Variants in PRKG1 observed in about 807,000 individuals in gnomAD.
PRKG1 encodes the protein protein kinase cGMP-dependent 1.
A neutral mutation model predicts 88.1 loss-of-function variants in PRKG1; 35 were observed. That is an observed-to-expected ratio of 0.40 (90% confidence interval 0.30 to 0.53). The LOEUF (loss-of-function observed/expected upper bound fraction) is 0.53, where lower values mean the gene tolerates loss of function less well. Among genes scored for constraint, PRKG1 ranks in the 20% least tolerant of loss-of-function variants. The pLI is 0.59. For missense variants in PRKG1, 540 were observed against 839.8 expected (o/e 0.64, Z 4.41); for synonymous variants, 303 against 292.5 (o/e 1.04, Z -0.37).
chr10:51,374,799 G>A (rs1463106089), intron 2 of PRKG1, among the ~76,000 whole-genome samples: 1 of 152,156 alleles, frequency 6.6e-6, no homozygotes, highest in Non-Finnish European at 1.5e-5. Context: ...AGAAGCATGA[G>A]ACAGACTAAG....
intron 9 of PRKG1, among the ~76,000 whole-genome samples, chr10:52,225,095 C>T (rs1427918085): frequency 3.3e-5 from 5 of 151,966 alleles, no homozygotes; most frequent in Non-Finnish European, 7.4e-5. Flanking sequence ...GTCTACATTC[C>T]CACCAACAGT....
intron 1 of PRKG1, among the ~76,000 whole-genome samples, chr10:51,050,445 T>C (rs1843546744): frequency 6.6e-6 from 1 of 152,162 alleles, no homozygotes; most frequent in Non-Finnish European, 1.5e-5. Context: ...CTTATTTCAC[T>C]TAGCATAGTG....
chr10:51,889,242 A>C (rs1396838093), intron 4 of PRKG1, among the ~76,000 whole-genome samples: 7 of 116,032 alleles, frequency 6.0e-5, no homozygotes, highest in African/African-American at 2.0e-4. Flanking sequence ...CCGGTGTGTG[A>C]TGTTCCCCTT....
intron 3 of PRKG1, among the ~76,000 whole-genome samples, chr10:51,468,289 G>A (rs1466410985): frequency 6.6e-6 from 1 of 151,742 alleles, no homozygotes; most frequent in Non-Finnish European, 1.5e-5. Context: ...AAACATCATT[G>A]AGTAAGATAT....
chr10:52,161,252 A>G (rs1003885517), intron 8 of PRKG1, among the ~76,000 whole-genome samples: 4 of 152,084 alleles, frequency 2.6e-5, no homozygotes, highest in East Asian at 1.9e-4. Context: ...AGGATATTGA[A>G]TAGATTGGAT....
chr10:51,686,484 G>T (rs532530881), intron 3 of PRKG1, among the ~76,000 whole-genome samples: 1 of 152,274 alleles, frequency 6.6e-6, no homozygotes, highest in South Asian at 2.1e-4. Context: ...AGCTCAACTA[G>T]CTTGCTTGTG....
At chr10:51,397,235 T>A (rs1211462746) in intron 2 of PRKG1, among the ~76,000 whole-genome samples, 1 of 151,770 alleles carries the variant, frequency 6.6e-6, no homozygotes, top group African/African-American at 2.4e-5. Context: ...AAGAATTTAA[T>A]CAGAGATTCA....
chr10:52,012,412 T>G (rs1006593190), intron 5 of PRKG1, among the ~76,000 whole-genome samples: 1 of 152,146 alleles, frequency 6.6e-6, no homozygotes, highest in African/African-American at 2.4e-5. Context: ...TGGCTAATTT[T>G]TTTGTATTTT....
At chr10:51,068,956 T>C (rs1843787625) in intron 1 of PRKG1, among the ~76,000 whole-genome samples, 1 of 151,974 alleles carries the variant, frequency 6.6e-6, no homozygotes, top group African/African-American at 2.4e-5. Flanking sequence ...AAACCTAATA[T>C]TTTTCTTGAT....
chr10:51,720,060 G>A (rs577329282), intron 3 of PRKG1, among the ~76,000 whole-genome samples: 1 of 152,222 alleles, frequency 6.6e-6, no homozygotes, highest in African/African-American at 2.4e-5. Flanking sequence ...AATGGAATTG[G>A]TATCACAGGG....
At chr10:51,960,576 T>G (rs1338556093) in intron 5 of PRKG1, among the ~76,000 whole-genome samples, 2 of 151,954 alleles carry the variant, frequency 1.3e-5, no homozygotes, top group Non-Finnish European at 2.9e-5. Context: ...TTCTATATCG[T>G]TACCCACAGT....
At chr10:51,430,484 C>T (rs962192809) in intron 2 of PRKG1, among the ~76,000 whole-genome samples, 6 of 152,198 alleles carry the variant, frequency 3.9e-5, no homozygotes, top group African/African-American at 1.4e-4. Context: ...GTGGGTGAAA[C>T]TAGAACCCTT....
intron 8 of PRKG1, among the ~76,000 whole-genome samples, chr10:52,156,369 G>C (rs1301388799): frequency 6.6e-6 from 1 of 151,710 alleles, no homozygotes; most frequent in Non-Finnish European, 1.5e-5. Context: ...AAGTCTTTGT[G>C]TCTTATCTGT....
At chr10:51,083,066 C>A (rs1009791188) in intron 1 of PRKG1, among the ~76,000 whole-genome samples, 1 of 152,152 alleles carries the variant, frequency 6.6e-6, no homozygotes, top group African/African-American at 2.4e-5. Flanking sequence ...TGGGGAAGCA[C>A]CTTTCTTGTT....
intron 2 of PRKG1, among the ~76,000 whole-genome samples, chr10:51,341,844 G>A (rs1021455023): frequency 1.3e-5 from 2 of 152,188 alleles, no homozygotes; most frequent in Non-Finnish European, 2.9e-5. Flanking sequence ...GGCAAATGAG[G>A]AGCAAGTCAC....
intron 3 of PRKG1, among the ~76,000 whole-genome samples, chr10:51,534,395 G>A (rs1044978198): frequency 6.6e-6 from 1 of 152,002 alleles, no homozygotes; most frequent in Admixed American, 6.6e-5. Context: ...TGGGCTGGGC[G>A]CGGTGGCTCA....
intron 1 of PRKG1, among the ~76,000 whole-genome samples, chr10:51,108,028 G>C (rs1004871266): frequency 6.6e-6 from 1 of 151,878 alleles, no homozygotes; most frequent in South Asian, 2.1e-4. Flanking sequence ...TATTTAAAAG[G>C]CACATACTAC....
chr10:51,056,631 T>C (rs978952804), intron 1 of PRKG1, among the ~76,000 whole-genome samples: 2 of 152,178 alleles, frequency 1.3e-5, no homozygotes, highest in African/African-American at 4.8e-5. Flanking sequence ...TTGGAATAGT[T>C]TTCCTGAAAC....
chr10:51,549,346 G>C (rs1426935601), intron 3 of PRKG1, among the ~76,000 whole-genome samples: 3 of 151,192 alleles, frequency 2.0e-5, no homozygotes, highest in African/African-American at 7.3e-5. Context: ...GGATGGTCTC[G>C]ATCTCCTGAC....
Sources: gnomAD v4.1 joint callset for allele counts (sites outside exome capture counted in the v4.1 genomes callset) on GRCh38, gnomAD v4.1.1 for gene constraint, MANE v1.5 for transcripts, NCBI Gene and HGNC (gene_info 2026-07-23, HGNC 2026-07-21) for gene names.